GSDME: variants seen among roughly 807,000 people sequenced by gnomAD.
The protein encoded by GSDME is gasdermin-E.
A neutral mutation model predicts 47.5 loss-of-function variants in GSDME; 44 were observed. The observed-to-expected ratio is 0.93, with a 90% CI of 0.73 to 1.19. The LOEUF is 1.19. Ranked by LOEUF, GSDME falls within the 50% of genes most tolerant of loss-of-function variation. The pLI, the probability that GSDME is intolerant of heterozygous loss-of-function variation, is 0.00. For synonymous variants in GSDME, 258 were observed against 252.8 expected (o/e 1.02, Z -0.20); for missense variants, 663 against 604.2 (o/e 1.10, Z -1.02).
the GSDME span, among the ~76,000 whole-genome samples, chr7:24,791,935 G>T: frequency 6.6e-6 from 1 of 152,230 alleles, no homozygotes; most frequent in East Asian, 1.9e-4. This position sits in a 1 kb window ranked among gnomAD's most constrained non-coding sequence, Gnocchi z 4.8. Context: ...CTCGGGGGCT[G>T]ACCCACAGGG....
upstream of GSDME, among the ~76,000 whole-genome samples, chr7:24,760,299 A>G (rs78565521): frequency 0.04 from 6,069 of 152,244 alleles, 178 homozygotes; most frequent in Non-Finnish European, 0.06. This position sits in a 1 kb window ranked among gnomAD's most constrained non-coding sequence, Gnocchi z 4.2. Flanking sequence ...ACACCAATAA[A>G]CCAGCTCTGC....
At chr7:24,760,576 T>C (rs1421564554), upstream of GSDME, among the ~76,000 whole-genome samples, 1 of 152,232 alleles carries the variant, frequency 6.6e-6, no homozygotes, top group Admixed American at 6.5e-5. The surrounding 1 kb of genome is among the most constrained non-coding windows in gnomAD (Gnocchi z 4.2). Context: ...CTTGCCTTTA[T>C]TAATTACTTT....
chr7:24,703,673 G>C lies in GSDME; in HGVS notation c.1184-840C>G, dbSNP rs565570738. The stretch of plus-strand genomic sequence containing the variant: ...GCCTTATTTGTAAAGACAGTGTGTT[G>C]TTGAGGTGTGACCCAGAGAGTACAT... On this transcript the variant is annotated intron_variant, in intron 8 of 9. Coordinates refer to ENST00000645220, the MANE Select transcript of GSDME (RefSeq NM_001127453.2). The C allele has an allele frequency of 2.0e-5, 3 of 153,104 alleles. No individual in the cohort carries two copies. The East Asian group carries it at 5.8e-4, about 29-fold the overall frequency. The allele number at this position is 153,104 out of a possible 1,614,324, so 9.5% of individuals were successfully genotyped here.
At chr7:24,715,180 G>C (rs1181440999) in intron 5 of GSDME, among the ~76,000 whole-genome samples, 4 of 152,200 alleles carry the variant, frequency 2.6e-5, no homozygotes, top group Admixed American at 6.5e-5. Context: ...GAAGCAGGGG[G>C]TAGACTGGTG....
chr7:24,779,824 T>C, the GSDME span, among the ~76,000 whole-genome samples: 1 of 152,210 alleles, frequency 6.6e-6, no homozygotes, highest in Non-Finnish European at 1.5e-5. This position sits in a 1 kb window ranked among gnomAD's most constrained non-coding sequence, Gnocchi z 6.0. Context: ...ACAGCATCCC[T>C]AGGCTGGAAA....
At chr7:24,723,149 AT>A (rs1789851537) in intron 3 of GSDME, among the ~76,000 whole-genome samples, 2 of 152,224 alleles carry the variant, frequency 1.3e-5, no homozygotes, top group African/African-American at 4.8e-5. Flanking sequence ...TGGAAACCAA[AT>A]GCTGGAAATA....
intron 3 of GSDME, among the ~76,000 whole-genome samples, chr7:24,738,118 C>A (rs1790367242): frequency 6.6e-6 from 1 of 152,076 alleles, no homozygotes; most frequent in Admixed American, 6.5e-5. Flanking sequence ...TACTCGAAGT[C>A]CTAGCTAGGG....
At position 24,721,100 on chromosome 7, in the gene GSDME, T is replaced by TGGAGAA. The variant is rs879749213; in HGVS notation, c.405-1883_405-1882insTTCTCC. Among the ~76,000 whole-genome samples the TGGAGAA allele has an allele frequency of 0.019, 2,829 of 152,288 alleles. 98 individuals carry two copies. Among genetic ancestry groups the TGGAGAA allele is most frequent in the African/African-American group, 0.065 (2,706 of 41,546 alleles). Reference sequence around the variant, plus strand: ...GGTTACCGGGGCTGCAGGGCTTCGCTGCCTGATGGCTGCAGAGTTCCTAGT... The same window carrying TGGAGAA: ...GGTTACCGGGGCTGCAGGGCTTCGCTGGAGAAGCCTGATGGCTGCAGAGTTCCTAGT... On this transcript the variant is annotated intron_variant, in intron 3 of 9. Coordinates refer to ENST00000645220, the MANE Select transcript of GSDME (RefSeq NM_001127453.2). The surrounding 1 kb of genome is among the most constrained non-coding windows in gnomAD (Gnocchi z 4.1).
the GSDME span, among the ~76,000 whole-genome samples, chr7:24,767,233 A>C: frequency 6.6e-6 from 1 of 152,264 alleles, no homozygotes; most frequent in South Asian, 2.1e-4. The surrounding 1 kb of genome is among the most constrained non-coding windows in gnomAD (Gnocchi z 5.3). Context: ...CTGAGGCAGA[A>C]GTATCGCTTG....
the GSDME span, among the ~76,000 whole-genome samples, chr7:24,778,030 C>T: frequency 1.4e-5 from 2 of 141,542 alleles, no homozygotes; most frequent in Non-Finnish European, 3.0e-5. The surrounding 1 kb of genome is among the most constrained non-coding windows in gnomAD (Gnocchi z 5.6). Flanking sequence ...TCTAAAAGGC[C>T]GGGAATGAAA....
At chr7:24,753,077 C>G (rs1790907586) in intron 1 of GSDME, among the ~76,000 whole-genome samples, 1 of 151,772 alleles carries the variant, frequency 6.6e-6, no homozygotes, top group Non-Finnish European at 1.5e-5. Context: ...CTGGAGGTGG[C>G]TATTTATTGC....
Position 24,714,856 on chromosome 7 carries a change from G to C in GSDME, c.697+2398C>G, listed in dbSNP as rs555699474. On this transcript the variant is annotated intron_variant, in intron 5 of 9. Coordinates refer to ENST00000645220, the MANE Select transcript of GSDME (RefSeq NM_001127453.2). This position sits in a 1 kb window ranked among gnomAD's most constrained non-coding sequence, Gnocchi z 5.0. ...CAGGCCTGGGTCCCCGCCACCGAAG[G>C]GTCCGCAGAGCACTCCTGGGCATCC... 1.3e-5 allele frequency among the ~76,000 whole-genome samples: 2 copies of C among 152,150 alleles called. No homozygotes were observed. Among genetic ancestry groups the C allele is most frequent in the Admixed American group, 6.5e-5 (1 of 15,280 alleles).
intron 5 of GSDME, among the ~76,000 whole-genome samples, chr7:24,713,388 T>C (rs534618205): frequency 6.6e-6 from 1 of 152,230 alleles, no homozygotes; most frequent in East Asian, 1.9e-4. Flanking sequence ...GAGGGGAAGG[T>C]CACAGTGACC....
intron 3 of GSDME, among the ~76,000 whole-genome samples, chr7:24,741,882 G>GC (rs1391947163): frequency 8.6e-5 from 13 of 151,470 alleles, no homozygotes; most frequent in Admixed American, 7.2e-4. Context: ...TTCCCTTCCC[G>GC]CCCCTGTCCT....
the GSDME span, among the ~76,000 whole-genome samples, chr7:24,791,142 G>T: frequency 6.6e-6 from 1 of 152,016 alleles, no homozygotes; most frequent in Admixed American, 6.6e-5. This position sits in a 1 kb window ranked among gnomAD's most constrained non-coding sequence, Gnocchi z 4.8. Flanking sequence ...GATCCAGGCT[G>T]GGATTCCTTG....
At chr7:24,699,959 A>G (rs1291323446) in intron 9 of GSDME, among the ~76,000 whole-genome samples, 1 of 152,202 alleles carries the variant, frequency 6.6e-6, no homozygotes, top group Non-Finnish European at 1.5e-5. Flanking sequence ...TCCTGCCTCA[A>G]GAACCTTTTC....
the GSDME span, among the ~76,000 whole-genome samples, chr7:24,769,348 C>T: frequency 2.0e-5 from 3 of 152,172 alleles, no homozygotes; most frequent in Non-Finnish European, 2.9e-5. Context: ...GAGCTCTAAC[C>T]AGGTTCTCAC....
At chr7:24,775,765 G>A in the GSDME span, among the ~76,000 whole-genome samples, 1 of 146,930 alleles carries the variant, frequency 6.8e-6, no homozygotes, top group African/African-American at 2.5e-5. Context: ...ATCCCAGCTA[G>A]TTGGGAGGCT....
chr7:24,738,385 A>C (rs1392199547), intron 3 of GSDME, among the ~76,000 whole-genome samples: 2 of 152,200 alleles, frequency 1.3e-5, no homozygotes, highest in Non-Finnish European at 2.9e-5. Context: ...ATAGCTACAA[A>C]TAAAATTAAA....
Sources: allele counts gnomAD v4.1 joint callset (sites outside exome capture counted in the v4.1 genomes callset), GRCh38; gene constraint gnomAD v4.1.1; non-coding constraint Gnocchi (gnomAD v3.1); transcripts MANE v1.5; gene names NCBI Gene and HGNC (gene_info 2026-07-23, HGNC 2026-07-21).